The following KCNK17 variants were observed in gnomAD, a reference collection of about 807,000 sequenced individuals.
KCNK17 encodes potassium channel subfamily K member 17.
A neutral mutation model predicts 24.6 loss-of-function variants in KCNK17; 27 were observed. That is an observed-to-expected ratio of 1.10 (90% CI 0.81 to 1.51). KCNK17 has a LOEUF of 1.51. KCNK17 is among the 40% of genes most tolerant of loss of function. The pLI is 0.00. For missense variants in KCNK17, 450 were observed against 436.6 expected (o/e 1.03, Z -0.27); for synonymous variants, 181 against 189.8 (o/e 0.95, Z 0.38).
In KCNK17 at chr6:39,311,801, G is replaced by GTTTA. The variant is rs1302902972; in HGVS notation, c.238-798_238-795dup. ...GTAGGATTGCTTCTGGTGGAAGGATGTTTAGGTAGATGGGACAGCAGTGCA... is the reference window on the plus strand; with the variant it reads ...GTAGGATTGCTTCTGGTGGAAGGATGTTTATTTAGGTAGATGGGACAGCAGTGCA... On this transcript the variant is annotated intron_variant, in intron 1 of 4. Coordinates refer to ENST00000373231, the MANE Select transcript of KCNK17 (RefSeq NM_031460.4). Among the ~76,000 whole-genome samples, 3 of 152,182 alleles carry GTTTA rather than the reference G, an allele frequency of 2.0e-5. 1 individual carries two copies. Among genetic ancestry groups the GTTTA allele is most frequent in the Admixed American group, 2.0e-4 (3 of 15,278 alleles).
At chr6:39,304,678 G>A in intron 2 of KCNK17, 23 bp from the exon 3 acceptor site, 1 of 1,602,166 alleles carries the variant, frequency 6.2e-7, no homozygotes. Flanking sequence ...GGGGCACTCA[G>A]GGGACATTTC....
chr6:39,311,224 G>A lies in KCNK17; in HGVS notation c.238-217C>T, dbSNP rs530190031. Among the ~76,000 whole-genome samples the A allele has an allele frequency of 5.4e-4, 82 of 152,136 alleles. 1 individual carries two copies. The highest frequency in any genetic ancestry group is 1.7e-3 in the African/African-American group (71 of 41,492). On this transcript the variant is annotated intron_variant, in intron 1 of 4. Coordinates refer to ENST00000373231, the MANE Select transcript of KCNK17 (RefSeq NM_031460.4). ...CAAGGGCTCACCAGGTACAGCTACT[G>A]ACAGCTACCATGGGGACAGCTCCTT...
Position 39,314,192 on chromosome 6 carries a change from C to T in KCNK17, c.129G>A (p.Leu43=). Reference sequence around the variant, plus strand: ...TGGAGTCCTGCGCCGCGCGGCCCTCCAGCGTCCAGAACACGCCGGTGCCCA... The same window carrying T: ...TGGAGTCCTGCGCCGCGCGGCCCTCTAGCGTCCAGAACACGCCGGTGCCCA... ...LALGTGVFWT[L]EGRAAQDSSR... Residue 43 remains leucine (L), a synonymous_variant, in exon 1 of 5, where the codon CTG becomes CTA. Coordinates refer to ENST00000373231, the MANE Select transcript of KCNK17 (RefSeq NM_031460.4). The T allele has an allele frequency of 6.4e-7, 1 of 1,552,042 alleles. No individual in the cohort carries two copies.
chr6:39,308,159 A>G lies in KCNK17; in HGVS notation c.352+2734T>C, dbSNP rs145602539. Among the ~76,000 whole-genome samples, 1,058 of 152,192 alleles carry G rather than the reference A, an allele frequency of 7.0e-3. 20 individuals are homozygous for G. The highest frequency in any genetic ancestry group is 0.024 in the African/African-American group (999 of 41,506). ...ATCTGTTTAGTGTGTGTCCCCTCAC[A>G]CTAGAATGTCAGCTCCCCAAGGGCT... is the stretch of plus-strand genomic sequence containing the variant. On this transcript the variant is annotated intron_variant, in intron 2 of 4. Coordinates refer to ENST00000373231, the MANE Select transcript of KCNK17 (RefSeq NM_031460.4).
At position 39,310,936 on chromosome 6, in the gene KCNK17, G is replaced by C; in HGVS notation, c.309C>G (p.Leu103=). The change falls in exon 2 of 5, where the codon CTC becomes CTG. Residue 103 remains leucine (L), a synonymous_variant. Coordinates refer to ENST00000373231, the MANE Select transcript of KCNK17 (RefSeq NM_031460.4). ...SNTTSMGRWE[L]VGSFFFSVST... ...ACACAGAAAAGAAGAAGGAGCCCAC[G>C]AGCTCCCAGCGCCCCATGCTGGTGG... 6.6e-7 allele frequency: 1 copy of C among 1,526,484 alleles called. No homozygotes were observed. The highest frequency in any genetic ancestry group is 8.9e-7 in the Non-Finnish European group (1 of 1,125,158). The allele number at this position is 1,526,484 out of a possible 1,614,324, so 94.6% of individuals were successfully genotyped here.
At chr6:39,303,796 C>G (rs1383239219) in intron 4 of KCNK17, among the ~76,000 whole-genome samples, 161 bp downstream of exon 4, 1 of 152,224 alleles carries the variant, frequency 6.6e-6, no homozygotes, top group African/African-American at 2.4e-5. Context: ...TGACCTCAGA[C>G]CCGTCACACA....
At chr6:39,306,776 T>C (rs1762043271) in intron 2 of KCNK17, among the ~76,000 whole-genome samples, 2 of 150,236 alleles carry the variant, frequency 1.3e-5, no homozygotes, top group Non-Finnish European at 1.5e-5. Flanking sequence ...GTTTTTTTTT[T>C]TTTTTTTGTG....
In KCNK17 at chr6:39,310,963, G is replaced by A. The variant is rs1038800264; in HGVS notation, c.282C>T (p.Asn94=). The stretch of plus-strand genomic sequence containing the variant: ...GCTCCCAGCGCCCCATGCTGGTGGT[G>A]TTGCTGAGGAGGCTGGCTCCGTTTT... ...AYKNGASLLS[N]TTSMGRWELV... is the part of the protein sequence containing the mutation. The change falls in exon 2 of 5, where the codon AAC becomes AAT. Residue 94 remains asparagine (N), a synonymous_variant. Coordinates refer to ENST00000373231, the MANE Select transcript of KCNK17 (RefSeq NM_031460.4). 3 of 1,609,768 alleles carry A rather than the reference G, an allele frequency of 1.9e-6. No homozygotes were observed. Among genetic ancestry groups the A allele is most frequent in the African/African-American group, 1.3e-5 (1 of 74,864 alleles).
Position 39,310,980 on chromosome 6 carries a change from C to T in KCNK17, c.265G>A (p.Ala89Thr), listed in dbSNP as rs143146161. The change falls in exon 2 of 5, where the codon GCC (alanine) becomes ACC (threonine). Residue 89 changes from alanine (A) to threonine (T), a missense_variant. Coordinates refer to ENST00000373231, the MANE Select transcript of KCNK17 (RefSeq NM_031460.4). ...CTGGTGGTGTTGCTGAGGAGGCTGG[C>T]TCCGTTTTTGTATGCTTGGACGACA... ...RDVVQAYKNG[A>T]SLLSNTTSMG... The T allele has an allele frequency of 9.9e-4, 1,586 of 1,606,334 alleles. 6 individuals carry two copies. Among genetic ancestry groups the T allele is most frequent in the Middle Eastern group, 5.3e-3 (32 of 6,046 alleles).
At chr6:39,313,826 C>A (rs532181093) in intron 1 of KCNK17, among the ~76,000 whole-genome samples, 1 of 152,302 alleles carries the variant, frequency 6.6e-6, no homozygotes, top group African/African-American at 2.4e-5. Context: ...CATGCCCTCT[C>A]GCCCCCAAGT....
At position 39,304,492 on chromosome 6, in the gene KCNK17, C is replaced by T; in HGVS notation, c.513+3G>A. 1 of 1,611,310 alleles carries T rather than the reference C, an allele frequency of 6.2e-7. No homozygotes were observed. The highest frequency in any genetic ancestry group is 8.5e-7 in the Non-Finnish European group (1 of 1,177,584). Reference sequence around the variant, plus strand: ...TCCCCACCCCGTCCAGCAGCCCCCTCACCTGCCAGGTGCCCCCCAGCCTGC... The same window carrying T: ...TCCCCACCCCGTCCAGCAGCCCCCTTACCTGCCAGGTGCCCCCCAGCCTGC... On this transcript the variant is annotated splice_donor_region_variant and intron_variant, in intron 3 of 4. Coordinates refer to ENST00000373231, the MANE Select transcript of KCNK17 (RefSeq NM_031460.4).
At chr6:39,302,459 T>G (rs1456539844) in intron 4 of KCNK17, among the ~76,000 whole-genome samples, 1 of 152,186 alleles carries the variant, frequency 6.6e-6, no homozygotes, top group East Asian at 1.9e-4. Flanking sequence ...CATCATAGCC[T>G]TTGTAATTTT....
At chr6:39,304,840 A>G (rs1042782620) in intron 2 of KCNK17, among the ~76,000 whole-genome samples, 185 bp from the exon 3 acceptor site, 1 of 152,178 alleles carries the variant, frequency 6.6e-6, no homozygotes, top group Non-Finnish European at 1.5e-5. Flanking sequence ...CTGTACATTC[A>G]TTCCCTCAGT....
intron 4 of KCNK17, 95 bp from the exon 5 acceptor site, chr6:39,299,832 G>A (rs2113833132): frequency 3.8e-6 from 5 of 1,305,200 alleles, no homozygotes; most frequent in East Asian, 2.3e-5. Flanking sequence ...ATTCATATAA[G>A]CAAGTTGAGG....
intron 2 of KCNK17, 43 bp from the exon 3 acceptor site, chr6:39,304,698 C>CCCA: frequency 6.3e-7 from 1 of 1,589,144 alleles, no homozygotes; most frequent in Non-Finnish European, 8.6e-7. Flanking sequence ...CCAGCCCAGC[C>CCCA]CTGTCCACTC....
intron 2 of KCNK17, among the ~76,000 whole-genome samples, chr6:39,306,246 G>A (rs1488185732): frequency 6.6e-6 from 1 of 152,192 alleles, no homozygotes; most frequent in Non-Finnish European, 1.5e-5. Context: ...GTTTTGCCAT[G>A]TTGGCCAGGC....
In KCNK17 at chr6:39,299,406, C is replaced by G; in HGVS notation, c.*21G>C. 1 of 1,586,776 alleles carries G rather than the reference C, an allele frequency of 6.3e-7. No homozygotes were observed. Among genetic ancestry groups the G allele is most frequent in the Non-Finnish European group, 8.6e-7 (1 of 1,159,724 alleles). ...TCAGGGGTCTTGCTACCGAGGACGA[C>G]GACCAAAGAATGGAGTATAACTAGC... On this transcript the variant is annotated 3_prime_UTR_variant, in exon 5 of 5. Coordinates refer to ENST00000373231, the MANE Select transcript of KCNK17 (RefSeq NM_031460.4).
At chr6:39,309,181 G>A (rs1368128842) in intron 2 of KCNK17, among the ~76,000 whole-genome samples, 12 of 152,166 alleles carry the variant, frequency 7.9e-5, no homozygotes, top group African/African-American at 1.9e-4. Context: ...AAAATTAGCC[G>A]GGCATGTTGG....
chr6:39,305,443 G>A (rs930887122), intron 2 of KCNK17, among the ~76,000 whole-genome samples: 3 of 152,196 alleles, frequency 2.0e-5, no homozygotes, highest in Admixed American at 6.5e-5. Flanking sequence ...AGCTCAGTGG[G>A]AGGGAGGGAC....
Sources: gnomAD v4.1 joint callset for allele counts (sites outside exome capture counted in the v4.1 genomes callset) on GRCh38, gnomAD v4.1.1 for gene constraint, MANE v1.5 for transcripts, NCBI Gene and HGNC (gene_info 2026-07-23, HGNC 2026-07-21) for gene names.